MRTFB: variants seen among roughly 807,000 people sequenced by gnomAD.
MRTFB encodes myocardin-related transcription factor B.
A neutral mutation model predicts 104.2 loss-of-function variants in MRTFB; 29 were observed. That is an observed-to-expected ratio of 0.28 (90% CI 0.21 to 0.38). The LOEUF (loss-of-function observed/expected upper bound fraction) is 0.38. Ranked by LOEUF, MRTFB falls within the 10% of genes least tolerant of loss-of-function variation. The probability of loss-of-function intolerance (pLI) is 1.00; values close to 1 mark genes in which losing one functional copy is unlikely to be tolerated. For missense variants in MRTFB, 1,270 were observed against 1,341.6 expected, an observed-to-expected ratio of 0.95 and a Z score of 0.83; for synonymous variants, 535 against 519.5, an observed-to-expected ratio of 1.03 and a Z score of -0.41.
intron 4 of MRTFB, 69 bp downstream of exon 4, chr16:14,210,377 G>T: frequency 8.3e-7 from 1 of 1,209,636 alleles, no homozygotes; most frequent in Non-Finnish European, 1.2e-6. Flanking sequence ...AGAAGAGCCT[G>T]CATCTTGCTC....
intron 2 of MRTFB, among the ~76,000 whole-genome samples, chr16:14,138,103 C>G (rs376039729): frequency 6.6e-6 from 1 of 152,046 alleles, no homozygotes; most frequent in Admixed American, 6.6e-5. Flanking sequence ...ACACTGTTTT[C>G]TTATGATGTA....
intron 2 of MRTFB, among the ~76,000 whole-genome samples, chr16:14,122,840 GT>G (rs1398662669): frequency 3.5e-4 from 54 of 152,136 alleles, no homozygotes; most frequent in Non-Finnish European, 1.2e-4. Flanking sequence ...TGTATTTCTA[GT>G]TCTAGATCCT....
intron 6 of MRTFB, among the ~76,000 whole-genome samples, chr16:14,216,031 C>G (rs556848938): frequency 2.6e-5 from 4 of 152,210 alleles, no homozygotes; most frequent in Non-Finnish European, 5.9e-5. Context: ...ATCATTTTCT[C>G]ATAACATTTA....
chr16:14,189,961 G>C (rs1259232870), intron 3 of MRTFB, among the ~76,000 whole-genome samples: 1 of 152,154 alleles, frequency 6.6e-6, no homozygotes, highest in Non-Finnish European at 1.5e-5. Context: ...AAGAATTGAC[G>C]GGATGCCTTA....
intron 3 of MRTFB, chr16:14,193,864 A>C (rs1489281287): frequency 6.6e-6 from 1 of 152,196 alleles, no homozygotes; most frequent in East Asian, 1.9e-4. Context: ...ATTTCATCAT[A>C]TCAGTCTCAC....
intron 3 of MRTFB, among the ~76,000 whole-genome samples, chr16:14,188,625 T>C (rs2040045933): frequency 6.6e-6 from 1 of 152,170 alleles, no homozygotes; most frequent in Non-Finnish European, 1.5e-5. Context: ...CAAAACAGCA[T>C]AGACCCTGGA....
In MRTFB at chr16:14,240,905, G is replaced by A. The variant is rs911305225; in HGVS notation, c.1079+421G>A. ...AAAGACAGGATCTTTGTATATAGAA[G>A]GCTCGAGAAGGGCCTTTCCAGGCAC... On this transcript the variant is annotated intron_variant, in intron 10 of 16. Coordinates refer to ENST00000571589, the MANE Select transcript of MRTFB (RefSeq NM_001308142.2). 4.9e-6 allele frequency: 3 copies of A among 612,762 alleles called. No individual in the cohort carries two copies. The South Asian group carries it at 6.0e-5, about 12-fold the overall frequency. The allele number at this position is 612,762 out of a possible 1,614,324, so 38.0% of individuals were successfully genotyped here.
At chr16:14,230,070 G>C (rs1269563141) in intron 8 of MRTFB, among the ~76,000 whole-genome samples, 1 of 151,958 alleles carries the variant, frequency 6.6e-6, no homozygotes, top group Non-Finnish European at 1.5e-5. Flanking sequence ...GGGAAAACTG[G>C]CTAGCCATAT....
At chr16:14,084,085 A>G (rs2034565303) in intron 2 of MRTFB, among the ~76,000 whole-genome samples, 2 of 152,210 alleles carry the variant, frequency 1.3e-5, no homozygotes, top group African/African-American at 4.8e-5. Flanking sequence ...AGAGTGTTGA[A>G]GTATGTTGAG....
chr16:14,243,116 G>C (rs1385420819), intron 10 of MRTFB, among the ~76,000 whole-genome samples: 1 of 152,116 alleles, frequency 6.6e-6, no homozygotes, highest in African/African-American at 2.4e-5. Context: ...GAGAAACACT[G>C]ATTTAAAGAA....
At chr16:14,030,129 A>T in the MRTFB span, among the ~76,000 whole-genome samples, 249 of 152,178 alleles carry the variant, frequency 1.6e-3, no homozygotes, top group Non-Finnish European at 2.9e-3. Context: ...CCTGTGGCTG[A>T]CTTCCCCTCT....
chr16:14,192,688 A>T (rs2040240462), intron 3 of MRTFB, among the ~76,000 whole-genome samples: 1 of 152,288 alleles, frequency 6.6e-6, no homozygotes, highest in Non-Finnish European at 1.5e-5. Context: ...GAAAAAAGCT[A>T]TGTATGCTTT....
At chr16:14,212,850 G>A (rs187293577) in intron 5 of MRTFB, among the ~76,000 whole-genome samples, 1 of 152,180 alleles carries the variant, frequency 6.6e-6, no homozygotes, top group African/African-American at 2.4e-5. Flanking sequence ...GGCTAAATCA[G>A]AAAACGTTGC....
intron 2 of MRTFB, among the ~76,000 whole-genome samples, chr16:14,139,773 A>G (rs1055038062): frequency 4.6e-5 from 7 of 152,238 alleles, no homozygotes; most frequent in Non-Finnish European, 1.0e-4. Flanking sequence ...ACACTGTGCT[A>G]TGAAATGCTA....
At chr16:14,033,499 C>A in the MRTFB span, among the ~76,000 whole-genome samples, 1 of 151,680 alleles carries the variant, frequency 6.6e-6, no homozygotes, top group Non-Finnish European at 1.5e-5. Flanking sequence ...CGTGTTCGTG[C>A]CACTCTTTCC....
At chr16:14,108,963 G>A (rs1173325047) in intron 2 of MRTFB, among the ~76,000 whole-genome samples, 1 of 152,142 alleles carries the variant, frequency 6.6e-6, no homozygotes, top group South Asian at 2.1e-4. Flanking sequence ...TTCGAAAATT[G>A]TATAATCCAT....
chr16:14,006,923 G>T, the MRTFB span, among the ~76,000 whole-genome samples: 1 of 151,910 alleles, frequency 6.6e-6, no homozygotes, highest in African/African-American at 2.4e-5. Flanking sequence ...AGGCTGAGGT[G>T]GGGGGATTGC....
chr16:14,104,953 A>G (rs554239118), intron 2 of MRTFB, among the ~76,000 whole-genome samples: 22 of 152,290 alleles, frequency 1.4e-4, no homozygotes, highest in Admixed American at 3.3e-4. Flanking sequence ...TATCCTTGTT[A>G]GAACTTAGGG....
chr16:14,255,441 A>T (rs187483359), intron 15 of MRTFB, among the ~76,000 whole-genome samples: 1 of 152,262 alleles, frequency 6.6e-6, no homozygotes, highest in African/African-American at 2.4e-5. Flanking sequence ...ATCAAAAACT[A>T]TGAAAACTGG....
Sources: allele counts gnomAD v4.1 joint callset (sites outside exome capture counted in the v4.1 genomes callset), GRCh38; gene constraint gnomAD v4.1.1; transcripts MANE v1.5; gene names NCBI Gene and HGNC (gene_info 2026-07-23, HGNC 2026-07-21).